The following HSD17B2 variants were observed in gnomAD, a reference collection of about 807,000 sequenced individuals.
HSD17B2 encodes 17-beta-hydroxysteroid dehydrogenase type 2.
HSD17B2 carries 32 observed loss-of-function variants against 26.9 expected under a neutral mutation model. The ratio of observed to expected loss-of-function variants is 1.19; its 90% CI spans 0.90 to 1.60. The LOEUF (loss-of-function observed/expected upper bound fraction) is 1.60, where lower values mean the gene tolerates loss of function less well. Among genes scored for constraint, HSD17B2 ranks in the 40% most tolerant of loss-of-function variants. HSD17B2 has a pLI of 0.00. For synonymous variants in HSD17B2, 246 were observed against 186.7 expected, an observed-to-expected ratio of 1.32 and a Z score of -2.59; for missense variants, 613 against 468.6, an observed-to-expected ratio of 1.31 and a Z score of -2.85.
chr16:82,055,234 G>T (rs1914230668), intron 1 of HSD17B2, among the ~76,000 whole-genome samples: 1 of 152,190 alleles, frequency 6.6e-6, no homozygotes, highest in South Asian at 2.1e-4. Context: ...GTTTGACTGA[G>T]AATTATGTTC....
intron 1 of HSD17B2, among the ~76,000 whole-genome samples, chr16:82,047,574 G>T (rs1196032672): frequency 6.6e-6 from 1 of 152,154 alleles, no homozygotes; most frequent in African/African-American, 2.4e-5. Context: ...CAGAGAAGTG[G>T]GCAGAAGTGA....
intron 3 of HSD17B2, among the ~76,000 whole-genome samples, chr16:82,084,557 A>ATT (rs139197622): frequency 8.6e-5 from 13 of 151,658 alleles, no homozygotes; most frequent in Non-Finnish European, 1.9e-4. Flanking sequence ...TTTTATTATT[A>ATT]TTTTTTTTAT....
intron 1 of HSD17B2, among the ~76,000 whole-genome samples, chr16:82,038,138 AT>A (rs1453587137): frequency 2.6e-5 from 4 of 152,310 alleles, no homozygotes; most frequent in Admixed American, 2.6e-4. Flanking sequence ...ACAAAGACAA[AT>A]TTAAAAAAAT....
At position 82,098,344 on chromosome 16, in the gene HSD17B2, A is replaced by G. The variant is rs762969900; in HGVS notation, c.1072A>G (p.Ile358Val). The G allele has an allele frequency of 1.2e-6, 2 of 1,614,202 alleles. No individual in the cohort carries two copies. Among genetic ancestry groups the G allele is most frequent in the Admixed American group, 3.3e-5 (2 of 60,028 alleles). ...CCTTGCTCACTATTTGCCTATTGGC[A>G]TATATGATTACTTTGCTAAAAGACA... Reference protein sequence around the residue: ...ICLAHYLPIGIYDYFAKRHFG... With the variant: ...ICLAHYLPIGVYDYFAKRHFG... The change falls in exon 5 of 5, where the codon ATA becomes GTA. Residue 358 changes from isoleucine to valine, a missense_variant. Physicochemically the swap from Ile to Val is conservative, Grantham distance 29. Transcript: ENST00000199936.
chr16:82,098,292 A>AG lies in HSD17B2; in HGVS notation c.1023dup (p.Lys342GlufsTer19), dbSNP rs1477996813. On this transcript the variant is annotated frameshift_variant, in exon 5 of 5. Transcript: ENST00000199936. LOFTEE classifies it low-confidence loss of function (END_TRUNC). ...AGAGCCCTTTTGCCTATTACACGCC[A>AG]GGGAAAGGCGCTTACTTGTGGATCT... 11 of 1,614,074 alleles carry AG rather than the reference A, an allele frequency of 6.8e-6. No homozygotes were observed. The highest frequency in any genetic ancestry group is 9.3e-6 in the Non-Finnish European group (11 of 1,180,026).
chr16:82,068,469 T>A, intron 2 of HSD17B2, 87 bp downstream of exon 2: 1 of 1,097,684 alleles, frequency 9.1e-7, no homozygotes, highest in Non-Finnish European at 1.3e-6. Context: ...GCCCCCCCAC[T>A]CCACTCTGGG....
intron 4 of HSD17B2, chr16:82,092,592 A>C (rs552427992): frequency 6.6e-6 from 1 of 152,332 alleles, no homozygotes; most frequent in African/African-American, 2.4e-5. Context: ...AGGGGGTGCA[A>C]GACTCAGAGA....
At chr16:82,037,677 C>A (rs1018919596) in intron 1 of HSD17B2, among the ~76,000 whole-genome samples, 1 of 152,006 alleles carries the variant, frequency 6.6e-6, no homozygotes, top group African/African-American at 2.4e-5. Context: ...TCAAAAGCAA[C>A]AAAAAGGGTG....
intron 1 of HSD17B2, among the ~76,000 whole-genome samples, chr16:82,053,160 A>G (rs1348542734): frequency 2.0e-5 from 3 of 152,230 alleles, no homozygotes; most frequent in Non-Finnish European, 4.4e-5. Context: ...AAAAGTTGCT[A>G]AGAACTTTTT....
In HSD17B2 at chr16:82,056,239, G is replaced by C. The variant is rs112114553; in HGVS notation, c.266-11931G>C. On this transcript the variant is annotated intron_variant, in intron 1 of 4. Transcript: ENST00000199936. ...TAAAACCTTAGATAATGATAAAAGG[G>C]ACCTTGGGATAGTGGGGCAATTTAG... 3.9e-5 allele frequency among the ~76,000 whole-genome samples: 6 copies of C among 152,294 alleles called. 1 individual carries two copies. The highest frequency in any genetic ancestry group is 1.4e-4 in the African/African-American group (6 of 41,564).
intron 3 of HSD17B2, among the ~76,000 whole-genome samples, chr16:82,083,297 A>C (rs749154784): frequency 6.6e-6 from 1 of 152,080 alleles, no homozygotes; most frequent in Non-Finnish European, 1.5e-5. Flanking sequence ...TCCATCCCTA[A>C]AGAAAGGAAC....
rs766233863 is a variant in HSD17B2 at position 82,098,263 on chromosome 16, G to C, written c.991G>C (p.Ala331Pro). ...GCGGGACATCCAGCATGCTATCTTG[G>C]CGAAGAGCCCTTTTGCCTATTACAC... ...VLRDIQHAIL[A>P]KSPFAYYTPG... The change falls in exon 5 of 5, where the codon GCG becomes CCG. Residue 331 changes from alanine to proline, a missense_variant. By Grantham distance (27) the Ala-to-Pro change is conservative (BLOSUM62 -1). Coordinates refer to ENST00000199936, the MANE Select transcript of HSD17B2 (RefSeq NM_002153.3). 1 of 1,614,200 alleles carries C rather than the reference G, an allele frequency of 6.2e-7. No homozygotes were observed. Among genetic ancestry groups the C allele is most frequent in the Admixed American group, 1.7e-5 (1 of 60,028 alleles).
chr16:82,074,289 C>T (rs973255646), intron 3 of HSD17B2, among the ~76,000 whole-genome samples: 9 of 152,150 alleles, frequency 5.9e-5, no homozygotes, highest in East Asian at 3.9e-4. Flanking sequence ...ATGAAGTTTT[C>T]GTTCATCACA....
chr16:82,041,504 C>T (rs1021977669), intron 1 of HSD17B2, among the ~76,000 whole-genome samples: 9 of 152,198 alleles, frequency 5.9e-5, no homozygotes, highest in African/African-American at 7.2e-5. Context: ...TGGTTCTAAG[C>T]GTGCTCCTGC....
Position 82,039,248 on chromosome 16 carries a change from TACACAC to T in HSD17B2, c.265+3578_265+3583del, listed in dbSNP as rs56169712. 4.4e-4 allele frequency among the ~76,000 whole-genome samples: 64 copies of T among 145,288 alleles called. 1 individual carries two copies. The highest frequency in any genetic ancestry group is 2.6e-5 in the African/African-American group (1 of 39,148). ...TTTCTCCTCTGTAAATGGAAAATAA[TACACAC>T]ACACACACACACACACACGCACAAA... On this transcript the variant is annotated intron_variant, in intron 1 of 4. Coordinates refer to ENST00000199936, the MANE Select transcript of HSD17B2 (RefSeq NM_002153.3).
chr16:82,071,220 CA>C (rs1435061776), intron 3 of HSD17B2, 93 bp downstream of exon 3: 1 of 1,238,558 alleles, frequency 8.1e-7, no homozygotes, highest in Non-Finnish European at 1.2e-6. Context: ...GCAGGGCATG[CA>C]AAGGCAGGGT....
intron 3 of HSD17B2, among the ~76,000 whole-genome samples, chr16:82,075,042 G>A (rs140781910): frequency 7.9e-5 from 12 of 152,196 alleles, no homozygotes; most frequent in African/African-American, 2.9e-4. Flanking sequence ...TAAAAGATAA[G>A]AGGAATTTTG....
chr16:82,093,551 A>G (rs1410599887), intron 4 of HSD17B2: 1 of 152,192 alleles, frequency 6.6e-6, no homozygotes, highest in Non-Finnish European at 1.5e-5. Flanking sequence ...TGCAGCTATG[A>G]ACTTTCTGGT....
At position 82,044,124 on chromosome 16, in the gene HSD17B2, T is replaced by C. The variant is rs369696705; in HGVS notation, c.265+8435T>C. On this transcript the variant is annotated intron_variant, in intron 1 of 4. Coordinates refer to ENST00000199936, the MANE Select transcript of HSD17B2 (RefSeq NM_002153.3). ...TCCTCTGAACCATTTCCAGTTTCTT[T>C]CTTGACATTCCTCTGAGCTGTTGAC... is the stretch of plus-strand genomic sequence containing the variant. 2.6e-5 allele frequency among the ~76,000 whole-genome samples: 4 copies of C among 152,178 alleles called. No homozygotes were observed. In the East Asian group the frequency reaches 7.7e-4, roughly 29 times the overall value.
Sources: allele counts gnomAD v4.1 joint callset (sites outside exome capture counted in the v4.1 genomes callset), GRCh38; gene constraint gnomAD v4.1.1; transcripts MANE v1.5; gene names NCBI Gene and HGNC (gene_info 2026-07-23, HGNC 2026-07-21).